Variants in PRLR observed in about 807,000 individuals in gnomAD.
PRLR encodes the protein prolactin receptor.
A neutral mutation model predicts 40.2 loss-of-function variants in PRLR; 13 were observed. The observed-to-expected ratio is 0.32, with a 90% CI of 0.21 to 0.51. PRLR has a LOEUF of 0.51. Among genes scored for constraint, PRLR ranks in the 20% least tolerant of loss-of-function variants. The pLI is 0.97. For synonymous variants in PRLR, 269 were observed against 278.7 expected (o/e 0.97, Z 0.35); for missense variants, 656 against 747.3 (o/e 0.88, Z 1.42).
chr5:35,125,009 G>C (rs934471503), intron 1 of PRLR, among the ~76,000 whole-genome samples: 26 of 152,278 alleles, frequency 1.7e-4, no homozygotes, highest in African/African-American at 6.3e-4. Flanking sequence ...CACAGTACTG[G>C]TTATTAGCAG....
chr5:35,049,138 T>G, exon 9 of PRLR: 8 of 696,660 alleles, frequency 1.1e-5, no homozygotes, highest in East Asian at 5.4e-5. Context: ...AGTGATCATA[T>G]GAGCTGGCTG....
chr5:35,086,151 G>C lies in PRLR; in HGVS notation c.203+57C>G, dbSNP rs984581212. 22 of 1,594,466 alleles carry C rather than the reference G, an allele frequency of 1.4e-5. No homozygotes were observed. In the African/African-American group the frequency reaches 1.6e-4, roughly 12 times the overall value. ...GTCACTCAGAACCAGTGTTTCTTTG[G>C]CCTGGAGAATGGGAGTACTCATGTG... On this transcript the variant is annotated intron_variant, in intron 4 of 9. Transcript: ENST00000618457.
rs564083685 is a variant in PRLR at position 35,092,192 on chromosome 5, A to T, written c.-43-2529T>A. ...AGGAAGTATTCTATGAATGAAAAAA[A>T]GCTTCCCTTTGGGATTTCCTGAGAC... On this transcript the variant is annotated intron_variant, in intron 2 of 9. Transcript: ENST00000618457. Among the ~76,000 whole-genome samples, 3 of 152,250 alleles carry T rather than the reference A, an allele frequency of 2.0e-5. No individual in the cohort carries two copies. In the South Asian group the frequency reaches 6.2e-4, roughly 32 times the overall value.
At chr5:35,139,269 G>A (rs138424562) in intron 1 of PRLR, among the ~76,000 whole-genome samples, 3,944 of 152,156 alleles carry the variant, frequency 0.026, 87 homozygotes, top group Middle Eastern at 0.092. Flanking sequence ...TGAGTAGCTG[G>A]GATTACAGTC....
At chr5:35,049,648 T>C (rs1026110463) in intron 8 of PRLR, among the ~76,000 whole-genome samples, 34 of 152,352 alleles carry the variant, frequency 2.2e-4, no homozygotes, top group South Asian at 2.1e-4. Flanking sequence ...TGTGTCTATC[T>C]GTGTATACAC....
intron 1 of PRLR, among the ~76,000 whole-genome samples, chr5:35,214,823 T>C (rs1338691034): frequency 1.3e-5 from 2 of 152,090 alleles, no homozygotes; most frequent in Non-Finnish European, 2.9e-5. Context: ...CTAATGACCA[T>C]CTCTCTTTTG....
At position 35,060,035 on chromosome 5, in the gene PRLR, T is replaced by C. The variant is rs1431634423; in HGVS notation, c.*5054A>G. On this transcript the variant is annotated 3_prime_UTR_variant, in exon 10 of 10. Coordinates refer to ENST00000618457, the MANE Select transcript of PRLR (RefSeq NM_000949.7). Reference sequence around the variant, plus strand: ...TTTTTGTAGAGACTGGGTCTTACTATGTTGCGTAGGCTGGGCATGGATTTA... The same window carrying C: ...TTTTTGTAGAGACTGGGTCTTACTACGTTGCGTAGGCTGGGCATGGATTTA... The C allele has an allele frequency of 6.6e-6, 1 of 152,204 alleles. No individual in the cohort carries two copies. Among genetic ancestry groups the C allele is most frequent in the African/African-American group, 2.4e-5 (1 of 41,452 alleles). The allele number at this position is 152,204 out of a possible 1,614,324, so 9.4% of individuals were successfully genotyped here. A position where few individuals can be genotyped will look rare whatever the true frequency, so the allele number is the denominator to read the frequency against.
At chr5:35,052,110 T>A (rs1373372812), downstream of PRLR, among the ~76,000 whole-genome samples, 2 of 152,164 alleles carry the variant, frequency 1.3e-5, no homozygotes, top group African/African-American at 2.4e-5. Context: ...TAGAAGATTT[T>A]AACTTACTTA....
chr5:35,152,679 G>T (rs1429050725), intron 1 of PRLR: 1 of 152,100 alleles, frequency 6.6e-6, no homozygotes, highest in Non-Finnish European at 1.5e-5. Flanking sequence ...ACAATATATT[G>T]GGAGTTATGT....
rs1359475221 is a variant in PRLR, at chr5:35,158,216, A to G, written c.-105-40094T>C. ...TGGGCAGGCATCACAGTCTACTGAA[A>G]TTGCTCGTATGCCTGCTGTTTATAT... is the stretch of plus-strand genomic sequence containing the variant. On this transcript the variant is annotated intron_variant, in intron 1 of 9. Transcript: ENST00000618457. Among the ~76,000 whole-genome samples the G allele has an allele frequency of 5.3e-5, 8 of 152,306 alleles. No individual in the cohort carries two copies. In the South Asian group the frequency reaches 1.0e-3, roughly 20 times the overall value.
intron 6 of PRLR, 131 bp downstream of exon 6, chr5:35,072,444 G>T: frequency 1.0e-6 from 1 of 1,004,488 alleles, no homozygotes; most frequent in Non-Finnish European, 1.5e-6. Flanking sequence ...TTTCACATCT[G>T]GGTGGGTCAC....
intron 5 of PRLR, among the ~76,000 whole-genome samples, chr5:35,078,219 G>A (rs560898310): frequency 1.3e-5 from 2 of 152,136 alleles, no homozygotes; most frequent in East Asian, 3.9e-4. Flanking sequence ...AAGAACTGAA[G>A]GTGATAGAGA....
chr5:35,169,281 A>G (rs746730727), intron 1 of PRLR, among the ~76,000 whole-genome samples: 9 of 152,170 alleles, frequency 5.9e-5, no homozygotes, highest in Non-Finnish European at 1.3e-4. Flanking sequence ...GAAAGACCTT[A>G]TTTTATGAGA....
At position 35,068,263 on chromosome 5, in the gene PRLR, G is replaced by A. The variant is rs758631312; in HGVS notation, c.808C>T (p.Pro270Ser). The change falls in exon 9 of 10, where the codon CCA (proline) becomes TCA (serine). Residue 270 changes from proline (P) to serine (S), a missense_variant. This residue lies in a region of PRLR where 469 missense variants were observed against 491.5 expected (regional missense o/e 0.95). Coordinates refer to ENST00000618457, the MANE Select transcript of PRLR (RefSeq NM_000949.7). Reference sequence around the variant, plus strand: ...CCTTTTATTTTTGGCCCAGGAACTGGCGGAAAGATGCAGGTCACCATGCTA... The same window carrying A: ...CCTTTTATTTTTGGCCCAGGAACTGACGGAAAGATGCAGGTCACCATGCTA... ...GYSMVTCIFPPVPGPKIKGFD... is the reference protein window; with the variant it reads ...GYSMVTCIFPSVPGPKIKGFD... 3 of 1,613,146 alleles carry A rather than the reference G, an allele frequency of 1.9e-6. No homozygotes were observed. The South Asian group carries it at 3.3e-5, about 18-fold the overall frequency.
At chr5:35,224,395 G>C (rs1049646952) in intron 1 of PRLR, among the ~76,000 whole-genome samples, 1 of 152,070 alleles carries the variant, frequency 6.6e-6, no homozygotes, top group Non-Finnish European at 1.5e-5. Flanking sequence ...TCTCTCTCTG[G>C]AACCTATACA....
intron 1 of PRLR, among the ~76,000 whole-genome samples, chr5:35,170,704 C>T (rs990548941): frequency 6.6e-6 from 1 of 152,066 alleles, no homozygotes; most frequent in African/African-American, 2.4e-5. Context: ...AGAACAAGAA[C>T]CTACCTCTAA....
intron 2 of PRLR, among the ~76,000 whole-genome samples, chr5:35,112,459 G>C (rs1279964050): frequency 6.6e-6 from 1 of 152,138 alleles, no homozygotes; most frequent in Non-Finnish European, 1.5e-5. Context: ...TGCAAAGCAA[G>C]AGGAACCGGA....
intron 2 of PRLR, among the ~76,000 whole-genome samples, chr5:35,113,378 TATCCATCCATCCATCC>T (rs753971139): frequency 2.3e-4 from 24 of 105,478 alleles, no homozygotes; most frequent in Non-Finnish European, 4.2e-4. Context: ...CCCACCCATT[TATCCATCCATCCATCC>T]ATCCATCCAT....
chr5:35,190,513 G>A (rs554642867), intron 1 of PRLR, among the ~76,000 whole-genome samples: 2 of 152,188 alleles, frequency 1.3e-5, no homozygotes, highest in East Asian at 1.9e-4. Flanking sequence ...TCTGAGGCAG[G>A]AGAATCGCTA....
Sources: gnomAD v4.1 joint callset for allele counts (sites outside exome capture counted in the v4.1 genomes callset) on GRCh38, gnomAD v4.1.1 for gene constraint, gnomAD v4.1.1 regional missense constraint, MANE v1.5 for transcripts, NCBI Gene and HGNC (gene_info 2026-07-23, HGNC 2026-07-21) for gene names.